Variants in KAZN observed in about 807,000 individuals in gnomAD.
KAZN encodes the protein kazrin.
KAZN carries 40 observed loss-of-function variants against 87.4 expected under a neutral mutation model. The observed-to-expected ratio is 0.46, with a 90% CI of 0.36 to 0.60. KAZN has a LOEUF of 0.60. KAZN is among the 20% of genes least tolerant of loss of function. KAZN has a pLI of 0.00. For synonymous variants in KAZN, 466 were observed against 458.3 expected (o/e 1.02, Z -0.22); for missense variants, 898 against 1,073.9 (o/e 0.84, Z 2.29).
intron 1 of KAZN, among the ~76,000 whole-genome samples, chr1:13,950,104 C>A (rs1428345888): frequency 1.3e-5 from 2 of 152,254 alleles, no homozygotes; most frequent in Admixed American, 1.3e-4. Flanking sequence ...CTGAGCCTTG[C>A]TCCCTCCCAG....
chr1:14,576,762 G>A (rs1675215248), intron 2 of KAZN, among the ~76,000 whole-genome samples: 1 of 152,088 alleles, frequency 6.6e-6, no homozygotes, highest in Non-Finnish European at 1.5e-5. Context: ...CTTATGAACA[G>A]GTTATTTCTA....
At chr1:14,416,370 G>A (rs1250896572) in intron 2 of KAZN, among the ~76,000 whole-genome samples, 1 of 152,172 alleles carries the variant, frequency 6.6e-6, no homozygotes, top group Non-Finnish European at 1.5e-5. Flanking sequence ...ACAGAATCAA[G>A]TAACAGTTGG....
rs527688475 is a variant in KAZN at position 14,480,586 on chromosome 1, CAT to C, written c.250-118394_250-118393del. Among the ~76,000 whole-genome samples the C allele has an allele frequency of 5.9e-3, 850 of 144,540 alleles. 8 individuals carry two copies. The highest frequency in any genetic ancestry group is 0.02 in the African/African-American group (802 of 39,554). The allele number at this position is 144,540 out of a possible 152,430, so 94.8% of individuals were successfully genotyped here. A position where few individuals can be genotyped will look rare whatever the true frequency, so the allele number is the denominator to read the frequency against. On this transcript the variant is annotated intron_variant, in intron 2 of 16. Transcript: ENST00000636203. Reference sequence around the variant, plus strand: ...ATTTATAAACATAATACATAATATTCATATTATATATTATATTTTATATAATG... The same window carrying C: ...ATTTATAAACATAATACATAATATTCATTATATATTATATTTTATATAATG...
chr1:14,009,909 A>G (rs1016050948), intron 1 of KAZN, among the ~76,000 whole-genome samples: 4 of 152,126 alleles, frequency 2.6e-5, no homozygotes, highest in African/African-American at 9.7e-5. Context: ...TTGTGCCTCC[A>G]TGTGTACACA....
chr1:15,056,518 CA>C lies in KAZN; in HGVS notation c.916+239del, dbSNP rs1421509187. Among the ~76,000 whole-genome samples the C allele has an allele frequency of 6.6e-6, 1 of 151,592 alleles. No individual in the cohort carries two copies. The highest frequency in any genetic ancestry group is 1.5e-5 in the Non-Finnish European group (1 of 67,948). The stretch of plus-strand genomic sequence containing the variant: ...CGTCTCTCCATCTCTTAGCTCTGCC[CA>C]CCTCCTTTTGGCCTCATCTTCAGGC... On this transcript the variant is annotated intron_variant, in intron 5 of 14. Transcript: ENST00000376030. This position sits in a 1 kb window ranked among gnomAD's most constrained non-coding sequence, Gnocchi z 5.4.
At position 14,557,637 on chromosome 1, in the gene KAZN, T is replaced by TGG. The variant is rs1673978079; in HGVS notation, c.250-41345_250-41344insGG. Among the ~76,000 whole-genome samples, 6 of 132,932 alleles carry TGG rather than the reference T, an allele frequency of 4.5e-5. No homozygotes were observed. In the South Asian group the frequency reaches 1.5e-3, roughly 33 times the overall value. The allele number at this position is 132,932 out of a possible 152,430, so 87.2% of individuals were successfully genotyped here. A position where few individuals can be genotyped will look rare whatever the true frequency, so the allele number is the denominator to read the frequency against. On this transcript the variant is annotated intron_variant, in intron 2 of 16. Transcript: ENST00000636203. Reference sequence around the variant, plus strand: ...CCAATAGGGTGTGTGTGGGTGTGTGTGTGTGTGTGTGTGTGTGTGTGTGTG... The same window carrying TGG: ...CCAATAGGGTGTGTGTGGGTGTGTGTGGGTGTGTGTGTGTGTGTGTGTGTGTG...
chr1:14,843,043 C>T (rs1407263737), intron 1 of KAZN, among the ~76,000 whole-genome samples: 7 of 152,178 alleles, frequency 4.6e-5, no homozygotes, highest in East Asian at 3.9e-4. Context: ...CTCTCTTTGG[C>T]CCCCTCCCTC....
intron 2 of KAZN, among the ~76,000 whole-genome samples, chr1:14,535,605 G>A (rs1056814783): frequency 6.6e-6 from 1 of 151,884 alleles, no homozygotes; most frequent in Non-Finnish European, 1.5e-5. Context: ...ATAGGGGGTT[G>A]CAGTAAGCCA....
intron 1 of KAZN, among the ~76,000 whole-genome samples, chr1:14,021,299 A>G (rs978645140): frequency 7.2e-5 from 11 of 152,206 alleles, no homozygotes; most frequent in Non-Finnish European, 1.5e-4. Context: ...GAGCCTTGCT[A>G]TAAAGGCTAC....
intron 10 of KAZN, among the ~76,000 whole-genome samples, chr1:15,098,975 C>G (rs1471530538): frequency 6.6e-6 from 1 of 152,228 alleles, no homozygotes; most frequent in Non-Finnish European, 1.5e-5. Context: ...AACCATGAAC[C>G]ACAATGTGAC....
intron 2 of KAZN, among the ~76,000 whole-genome samples, chr1:14,381,262 ATAT>A (rs556824224): frequency 1.2e-4 from 18 of 152,316 alleles, no homozygotes; most frequent in African/African-American, 3.8e-4. Flanking sequence ...TATAAAGCAA[ATAT>A]TATTAGAGCT....
chr1:15,085,308 C>A (rs1573275351), intron 8 of KAZN, among the ~76,000 whole-genome samples: 1 of 152,094 alleles, frequency 6.6e-6, no homozygotes, highest in Non-Finnish European at 1.5e-5. Context: ...GTTGTATCAG[C>A]CACATTTTAC....
At chr1:14,931,585 T>A (rs1659829251) in intron 1 of KAZN, among the ~76,000 whole-genome samples, 1 of 152,130 alleles carries the variant, frequency 6.6e-6, no homozygotes, top group African/African-American at 2.4e-5. Flanking sequence ...GGGTGCTTGC[T>A]AAGGTATAGA....
At chr1:15,076,762 G>T (rs1019815253) in intron 8 of KAZN, among the ~76,000 whole-genome samples, 3 of 152,204 alleles carry the variant, frequency 2.0e-5, no homozygotes, top group African/African-American at 7.2e-5. Context: ...AAAGCACCAG[G>T]CAAACATTAG....
At chr1:15,029,661 G>A (rs1057160495) in intron 2 of KAZN, among the ~76,000 whole-genome samples, 10 of 152,214 alleles carry the variant, frequency 6.6e-5, no homozygotes, top group African/African-American at 2.4e-4. Context: ...TGCTGGGGGG[G>A]TTCCCCTCCC....
intron 1 of KAZN, among the ~76,000 whole-genome samples, chr1:14,063,065 A>G (rs999188148): frequency 3.3e-5 from 5 of 152,200 alleles, no homozygotes; most frequent in African/African-American, 1.2e-4. Flanking sequence ...AAGTTTCATT[A>G]CCAATTCCAA....
chr1:14,982,923 G>A (rs982015502), intron 2 of KAZN, among the ~76,000 whole-genome samples: 14 of 152,210 alleles, frequency 9.2e-5, no homozygotes, highest in African/African-American at 3.4e-4. Context: ...AGTAAAGGTA[G>A]CCCGCACAGG....
At chr1:14,140,899 A>G (rs755837492) in intron 1 of KAZN, among the ~76,000 whole-genome samples, 2 of 152,174 alleles carry the variant, frequency 1.3e-5, no homozygotes, top group Admixed American at 6.5e-5. Context: ...GGCAGGCGGC[A>G]GAGGAGAGAT....
intron 1 of KAZN, among the ~76,000 whole-genome samples, chr1:14,681,309 C>T (rs1360845320): frequency 6.6e-6 from 1 of 152,136 alleles, no homozygotes; most frequent in Non-Finnish European, 1.5e-5. Context: ...GTTTGGGCTA[C>T]TCGGAGTAAA....
Sources: gnomAD v4.1 joint callset for allele counts (sites outside exome capture counted in the v4.1 genomes callset) on GRCh38, gnomAD v4.1.1 for gene constraint, Gnocchi (gnomAD v3.1) non-coding constraint, MANE v1.5 for transcripts, NCBI Gene and HGNC (gene_info 2026-07-23, HGNC 2026-07-21) for gene names.